SHANK2: variants seen among roughly 807,000 people sequenced by gnomAD.
SHANK2 encodes SH3 and multiple ankyrin repeat domains 2.
SHANK2 carries 43 observed loss-of-function variants against 133.7 expected under a neutral mutation model. The ratio of observed to expected loss-of-function variants is 0.32; its 90% CI spans 0.25 to 0.41. The LOEUF is 0.41. SHANK2 is among the 10% of genes least tolerant of loss of function. SHANK2 has a pLI of 1.00. For missense variants in SHANK2, 1,994 were observed against 2,235.8 expected, an observed-to-expected ratio of 0.89 and a Z score of 2.18; for synonymous variants, 1,017 against 952.8, an observed-to-expected ratio of 1.07 and a Z score of -1.24.
rs1468465251 is a variant in SHANK2 at position 70,827,430 on chromosome 11, C to CG, written c.1175-6749_1175-6748insC. 5.9e-5 allele frequency among the ~76,000 whole-genome samples: 9 copies of CG among 151,320 alleles called. No homozygotes were observed. In the East Asian group the frequency reaches 1.7e-3, roughly 29 times the overall value. Reference sequence around the variant, plus strand: ...AAGAAGAGAAAAGAGGAAAGCTGCCCCTTGGAAGCCCTACATGGAGAAAGT... The same window carrying CG: ...AAGAAGAGAAAAGAGGAAAGCTGCCCGCTTGGAAGCCCTACATGGAGAAAGT... On this transcript the variant is annotated intron_variant, in intron 11 of 25. Transcript: ENST00000601538.
chr11:70,685,704 C>G (rs1025981430), intron 15 of SHANK2, among the ~76,000 whole-genome samples: 5 of 152,084 alleles, frequency 3.3e-5, no homozygotes, highest in Non-Finnish European at 5.9e-5. Context: ...CTAGGGAGGA[C>G]AGGGGGCAGT....
At chr11:70,615,209 T>C (rs781801898) in intron 17 of SHANK2, among the ~76,000 whole-genome samples, 1 of 152,014 alleles carries the variant, frequency 6.6e-6, no homozygotes, top group Non-Finnish European at 1.5e-5. Flanking sequence ...AAGCTGAACA[T>C]TGCCTATACA....
At chr11:70,924,355 C>T (rs973687070) in intron 10 of SHANK2, among the ~76,000 whole-genome samples, 9 of 151,938 alleles carry the variant, frequency 5.9e-5, no homozygotes, top group Non-Finnish European at 1.0e-4. Context: ...CCTAGGATCT[C>T]GGGGCCGGGC....
intron 1 of SHANK2, among the ~76,000 whole-genome samples, chr11:71,236,079 CTGTT>C (rs1373388085): frequency 2.0e-5 from 3 of 152,168 alleles, no homozygotes; most frequent in Admixed American, 6.5e-5. Context: ...TCCATGGACA[CTGTT>C]TGTTTCAAAG....
At chr11:70,565,987 G>A (rs1167659871) in intron 17 of SHANK2, among the ~76,000 whole-genome samples, 1 of 152,146 alleles carries the variant, frequency 6.6e-6, no homozygotes, top group African/African-American at 2.4e-5. Flanking sequence ...AGGTTTAATG[G>A]ACTCATAGTT....
intron 17 of SHANK2, among the ~76,000 whole-genome samples, chr11:70,642,678 C>T (rs1033891844): frequency 6.6e-6 from 1 of 152,162 alleles, no homozygotes; most frequent in Non-Finnish European, 1.5e-5. Context: ...CCAAGTGACA[C>T]AAACAGGACA....
intron 3 of SHANK2, among the ~76,000 whole-genome samples, chr11:71,128,722 C>T (rs1555103180): frequency 6.6e-6 from 1 of 152,188 alleles, no homozygotes; most frequent in East Asian, 1.9e-4. Context: ...ACATCTGTCT[C>T]AGCACCACTG....
At chr11:71,120,811 CCTT>C (rs1387988330) in intron 3 of SHANK2, among the ~76,000 whole-genome samples, 4 of 152,228 alleles carry the variant, frequency 2.6e-5, no homozygotes, top group African/African-American at 9.6e-5. Context: ...TTGCAGGAAT[CCTT>C]CTAGGCCCCT....
intron 17 of SHANK2, among the ~76,000 whole-genome samples, chr11:70,595,275 C>G (rs782347461): frequency 2.0e-5 from 3 of 152,250 alleles, no homozygotes; most frequent in African/African-American, 7.2e-5. Flanking sequence ...GACCCCCTCT[C>G]AGGAAGCCCC....
At chr11:71,219,170 A>C (rs1292577527) in intron 2 of SHANK2, among the ~76,000 whole-genome samples, 1 of 152,220 alleles carries the variant, frequency 6.6e-6, no homozygotes, top group African/African-American at 2.4e-5. Context: ...CAATGCGCTG[A>C]GATCATTTAG....
At chr11:71,093,742 G>A (rs201106536) in intron 7 of SHANK2, among the ~76,000 whole-genome samples, 12 of 152,114 alleles carry the variant, frequency 7.9e-5, no homozygotes, top group East Asian at 3.9e-4. Context: ...AAATTACTCC[G>A]ATCTCACATT....
chr11:71,152,255 G>C (rs1555108225), intron 2 of SHANK2, among the ~76,000 whole-genome samples: 1 of 152,160 alleles, frequency 6.6e-6, no homozygotes, highest in Admixed American at 6.5e-5. Context: ...TGGGATTACA[G>C]ATACCTGCCA....
At chr11:70,909,222 A>G (rs1209007135) in intron 10 of SHANK2, among the ~76,000 whole-genome samples, 1 of 152,226 alleles carries the variant, frequency 6.6e-6, no homozygotes, top group Non-Finnish European at 1.5e-5. Context: ...TGATGTTTGC[A>G]GAGGAATGAT....
chr11:70,848,087 C>T (rs551513572), intron 11 of SHANK2, among the ~76,000 whole-genome samples: 30 of 152,324 alleles, frequency 2.0e-4, no homozygotes, highest in African/African-American at 6.5e-4. Context: ...GTCTGAGGTC[C>T]GCTGGGCTTC....
At chr11:70,525,215 C>T (rs567723755) in intron 17 of SHANK2, among the ~76,000 whole-genome samples, 23 of 152,348 alleles carry the variant, frequency 1.5e-4, no homozygotes, top group South Asian at 2.1e-4. Flanking sequence ...GGCCCTTCTC[C>T]GCAGGTAACT....
intron 11 of SHANK2, among the ~76,000 whole-genome samples, chr11:70,849,740 C>A (rs1352719368): frequency 1.2e-4 from 19 of 152,188 alleles, no homozygotes; most frequent in African/African-American, 4.6e-4. Context: ...TGGGTCAAAT[C>A]TGTTAATAGC....
intron 6 of SHANK2, among the ~76,000 whole-genome samples, chr11:71,094,991 G>A (rs1555095075): frequency 6.6e-6 from 1 of 152,240 alleles, no homozygotes; most frequent in East Asian, 1.9e-4. Flanking sequence ...TTCCCTCTGA[G>A]TACACAGAAT....
At chr11:70,716,897 C>T (rs1005809208) in intron 14 of SHANK2, among the ~76,000 whole-genome samples, 31 of 50,032 alleles carry the variant, frequency 6.2e-4, no homozygotes, top group Non-Finnish European at 1.3e-3. Flanking sequence ...GTCCCGGAGC[C>T]CCCCCCCCGC....
intron 11 of SHANK2, among the ~76,000 whole-genome samples, chr11:70,850,901 G>T (rs1373840): frequency 0.032 from 4,914 of 152,226 alleles, 234 homozygotes; most frequent in African/African-American, 0.11. Context: ...CAACCCCTTC[G>T]CCCTCCAAGC....
Sources: gnomAD v4.1 joint callset for allele counts (sites outside exome capture counted in the v4.1 genomes callset) on GRCh38, gnomAD v4.1.1 for gene constraint, MANE v1.5 for transcripts, NCBI Gene and HGNC (gene_info 2026-07-23, HGNC 2026-07-21) for gene names.